The following CHD7 variants were observed in gnomAD, a reference collection of about 807,000 sequenced individuals.
CHD7 encodes chromodomain helicase DNA binding protein 7.
A neutral mutation model predicts 307.3 loss-of-function variants in CHD7; 24 were observed. The observed-to-expected ratio is 0.08, with a 90% CI of 0.06 to 0.11. The LOEUF is 0.11. Among genes scored for constraint, CHD7 ranks in the 10% least tolerant of loss-of-function variants. CHD7 has a pLI of 1.00. For missense variants in CHD7, 3,106 were observed against 3,727.1 expected, an observed-to-expected ratio of 0.83 and a Z score of 4.34; for synonymous variants, 1,363 against 1,349.9, an observed-to-expected ratio of 1.01 and a Z score of -0.21.
At chr8:60,792,421 G>A (rs1263638869) in intron 3 of CHD7, among the ~76,000 whole-genome samples, 1 of 152,086 alleles carries the variant, frequency 6.6e-6, no homozygotes, top group African/African-American at 2.4e-5. Context: ...TTCCTAGGGT[G>A]TTCTTTGATT....
At chr8:60,862,743 C>T (rs765299004) in intron 37 of CHD7, 91 bp downstream of exon 37, 1 of 839,786 alleles carries the variant, frequency 1.2e-6, no homozygotes, top group Non-Finnish European at 1.9e-6. Context: ...ATTAATTATT[C>T]AGTTGTAACT....
intron 7 of CHD7, 70 bp downstream of exon 7, chr8:60,808,342 T>TA: frequency 1.1e-6 from 1 of 950,076 alleles, no homozygotes; most frequent in Non-Finnish European, 1.6e-6. Context: ...CATTTTTTTT[T>TA]AAAGTTGGGA....
At chr8:60,708,057 G>GA (rs1410550875) in intron 1 of CHD7, among the ~76,000 whole-genome samples, 3 of 152,196 alleles carry the variant, frequency 2.0e-5, no homozygotes, top group Non-Finnish European at 2.9e-5. Flanking sequence ...AGAGAGCGGT[G>GA]ATAAAGGTCG....
intron 3 of CHD7, among the ~76,000 whole-genome samples, chr8:60,792,289 A>G (rs966882458): frequency 6.6e-6 from 1 of 152,232 alleles, no homozygotes; most frequent in Non-Finnish European, 1.5e-5. Context: ...ACTTAGTTGA[A>G]AAATCTCAAT....
intron 2 of CHD7, among the ~76,000 whole-genome samples, chr8:60,757,610 A>C (rs918714605): frequency 6.6e-6 from 1 of 152,212 alleles, no homozygotes; most frequent in Non-Finnish European, 1.5e-5. Flanking sequence ...AGGGCAACAC[A>C]CTGTAATAAT....
chr8:60,735,956 A>G (rs13255519), intron 1 of CHD7, among the ~76,000 whole-genome samples: 117,847 of 152,150 alleles, frequency 0.77, 45,921 homozygotes, highest in East Asian at 0.94. Context: ...AGTTTAAATA[A>G]CAACATGTGG....
At chr8:60,840,120 C>T (rs1804905459) in intron 19 of CHD7, among the ~76,000 whole-genome samples, 1 of 152,130 alleles carries the variant, frequency 6.6e-6, no homozygotes. Flanking sequence ...TTAACTCTTA[C>T]ATTTTGGTCT....
At chr8:60,827,469 A>AT (rs1804306234) in intron 13 of CHD7, among the ~76,000 whole-genome samples, 1 of 152,152 alleles carries the variant, frequency 6.6e-6, no homozygotes, top group Non-Finnish European at 1.5e-5. Flanking sequence ...TAAAAAAAAA[A>AT]GTTCTTGCAT....
chr8:60,829,556 G>A (rs950013319), intron 14 of CHD7, among the ~76,000 whole-genome samples: 8 of 152,066 alleles, frequency 5.3e-5, no homozygotes, highest in African/African-American at 1.9e-4. Flanking sequence ...AGCCAAGATT[G>A]CACCACTGCA....
At position 60,852,590 on chromosome 8, in the gene CHD7, A is replaced by C; in HGVS notation, c.5987A>C (p.Gln1996Pro). 4 of 1,613,994 alleles carry C rather than the reference A, an allele frequency of 2.5e-6. No individual in the cohort carries two copies. Among genetic ancestry groups the C allele is most frequent in the Non-Finnish European group, 3.4e-6 (4 of 1,179,876 alleles). Residue 1996 changes from glutamine (Q) to proline (P), a missense_variant, in exon 30 of 38, where the codon CAA (glutamine) becomes CCA (proline). This residue lies in a region of CHD7 where 1,030 missense variants were observed against 1,165.4 expected (regional missense o/e 0.88). Transcript: ENST00000423902. ...DPVKQQFDWNQFRAFARLDKK... is the reference protein window; with the variant it reads ...DPVKQQFDWNPFRAFARLDKK... ...GTGAAACAGCAATTTGACTGGAACC[A>C]ATTTAGAGCCTTTGCCAGGCTTGAC...
At chr8:60,766,186 G>A (rs1418804071) in intron 2 of CHD7, among the ~76,000 whole-genome samples, 1 of 152,178 alleles carries the variant, frequency 6.6e-6, no homozygotes, top group Non-Finnish European at 1.5e-5. Context: ...GAGATATTTT[G>A]GCAAGAACTC....
At chr8:60,740,989 G>A (rs1363607701) in intron 1 of CHD7, among the ~76,000 whole-genome samples, 5 of 152,206 alleles carry the variant, frequency 3.3e-5, no homozygotes, top group Admixed American at 6.5e-5. Context: ...AGAATGGAAC[G>A]CTAGGAAGTG....
At chr8:60,707,226 A>G (rs768939165) in intron 1 of CHD7, among the ~76,000 whole-genome samples, 2 of 152,216 alleles carry the variant, frequency 1.3e-5, no homozygotes, top group African/African-American at 2.4e-5. Flanking sequence ...TTGCTTATTC[A>G]TGCATCCACA....
rs1554607313 is a variant in CHD7 at position 60,865,677 on chromosome 8, TG to T, written c.8744del (p.Gly2915AspfsTer2). Reference protein sequence around the residue: ...FYPSMFLPPGLGGLTLPGFPA... With the variant: ...FYPSMFLPPGXGGLTLPGFPA... ...CCATCCATGTTTCTACCTCCAGGAC[TG>T]GGGGGATTGACGCTGCCTGGGTTCC... On this transcript the variant is annotated frameshift_variant, in exon 38 of 38. Transcript: ENST00000423902. LOFTEE classifies it high-confidence loss of function. This position sits in a 1 kb window ranked among gnomAD's most constrained non-coding sequence, Gnocchi z 4.3. The T allele has an allele frequency of 6.2e-7, 1 of 1,606,590 alleles. No individual in the cohort carries two copies. The highest frequency in any genetic ancestry group is 8.5e-7 in the Non-Finnish European group (1 of 1,174,924).
intron 1 of CHD7, among the ~76,000 whole-genome samples, chr8:60,734,175 T>G (rs1387571553): frequency 2.0e-5 from 3 of 152,252 alleles, no homozygotes; most frequent in Non-Finnish European, 4.4e-5. Context: ...TTATATTAAC[T>G]GAGTGGTCAG....
At chr8:60,823,592 G>A (rs1742230580) in intron 12 of CHD7, among the ~76,000 whole-genome samples, 1 of 152,140 alleles carries the variant, frequency 6.6e-6, no homozygotes, top group Admixed American at 6.5e-5. Flanking sequence ...ACGCTTAGTG[G>A]TAATTGATGC....
intron 1 of CHD7, among the ~76,000 whole-genome samples, chr8:60,710,671 A>C (rs1253910263): frequency 6.6e-6 from 1 of 152,272 alleles, no homozygotes. Context: ...TGTTGGATTT[A>C]AAAATGGTGC....
intron 3 of CHD7, among the ~76,000 whole-genome samples, chr8:60,789,764 C>T (rs1007914345): frequency 2.0e-5 from 3 of 152,224 alleles, no homozygotes; most frequent in African/African-American, 7.2e-5. Flanking sequence ...TCCATCCAAC[C>T]CCATTTCAGG....
At chr8:60,746,729 C>T (rs1809348465) in intron 2 of CHD7, among the ~76,000 whole-genome samples, 1 of 152,056 alleles carries the variant, frequency 6.6e-6, no homozygotes, top group African/African-American at 2.4e-5. Flanking sequence ...ATAAGTTTAA[C>T]TTTATATTGA....
Sources: gnomAD v4.1 joint callset for allele counts (sites outside exome capture counted in the v4.1 genomes callset) on GRCh38, gnomAD v4.1.1 for gene constraint, gnomAD v4.1.1 regional missense constraint, Gnocchi (gnomAD v3.1) non-coding constraint, MANE v1.5 for transcripts, NCBI Gene and HGNC (gene_info 2026-07-23, HGNC 2026-07-21) for gene names.